The following SORCS3 variants were observed in gnomAD, a reference collection of about 807,000 sequenced individuals.
SORCS3 encodes the protein sortilin related VPS10 domain containing receptor 3.
Under a neutral mutation model 146.3 loss-of-function variants are expected in SORCS3, and 57 were observed. The ratio of observed to expected loss-of-function variants is 0.39; its 90% CI spans 0.31 to 0.49. The LOEUF (loss-of-function observed/expected upper bound fraction) is 0.49, where lower values mean the gene tolerates loss of function less well. Ranked by LOEUF, SORCS3 falls within the 20% of genes least tolerant of loss-of-function variation. The pLI is 0.92. For synonymous variants in SORCS3, 653 were observed against 618.5 expected, an observed-to-expected ratio of 1.06 and a Z score of -0.83; for missense variants, 1,341 against 1,575.5, an observed-to-expected ratio of 0.85 and a Z score of 2.52.
chr10:105,168,528 G>A (rs911830794), intron 13 of SORCS3, among the ~76,000 whole-genome samples: 1 of 152,068 alleles, frequency 6.6e-6, no homozygotes, highest in Non-Finnish European at 1.5e-5. Flanking sequence ...ACAGTTGGTC[G>A]GATTCACATG....
intron 1 of SORCS3, among the ~76,000 whole-genome samples, chr10:104,717,320 A>G (rs1177166614): frequency 6.7e-6 from 1 of 149,972 alleles, no homozygotes; most frequent in East Asian, 2.0e-4. Context: ...AAAAAAAAGG[A>G]AAAAGAAAAT....
At chr10:105,260,834 C>A (rs1300527588) in intron 25 of SORCS3, among the ~76,000 whole-genome samples, 1 of 152,150 alleles carries the variant, frequency 6.6e-6, no homozygotes, top group Non-Finnish European at 1.5e-5. Flanking sequence ...TCAGTGATAT[C>A]TATGCTAGTA....
chr10:104,771,254 A>G (rs1160659280), intron 1 of SORCS3, among the ~76,000 whole-genome samples: 1 of 152,246 alleles, frequency 6.6e-6, no homozygotes, highest in Non-Finnish European at 1.5e-5. Flanking sequence ...GATTCTGCAC[A>G]TGAAATTGAG....
In SORCS3 at chr10:104,981,573, T is replaced by A. The variant is rs149457396; in HGVS notation, c.954+4080T>A. On this transcript the variant is annotated intron_variant, in intron 4 of 26. Transcript: ENST00000369701. ...AGATTAGCTGGAGGGCTCAATAATC[T>A]TATTAAAACTGAGACTTTTGGAAAG... Among the ~76,000 whole-genome samples the A allele has an allele frequency of 8.5e-5, 13 of 152,328 alleles. No individual in the cohort carries two copies. In the East Asian group the frequency reaches 2.5e-3, roughly 29 times the overall value.
rs1340028923 is a variant in SORCS3 at position 105,211,206 on chromosome 10, A to C, written c.2331A>C (p.Pro777=). 1 of 1,614,090 alleles carries C rather than the reference A, an allele frequency of 6.2e-7. No homozygotes were observed. The highest frequency in any genetic ancestry group is 2.2e-5 in the East Asian group (1 of 44,862). ...CTTTCTGGTACAATCCAGCATCCCC[A>C]TCAAAGGACTGCAGCCTTGGTCAAA... ...VPAFWYNPAS[P]SKDCSLGQSY... Residue 777 remains proline, a synonymous_variant, in exon 17 of 27, where the codon CCA becomes CCC. Coordinates refer to ENST00000369701, the MANE Select transcript of SORCS3 (RefSeq NM_014978.3).
intron 20 of SORCS3, among the ~76,000 whole-genome samples, chr10:105,225,415 C>T (rs533277976): frequency 6.6e-6 from 1 of 151,920 alleles, no homozygotes; most frequent in Non-Finnish European, 1.5e-5. Context: ...TATTTCTGGG[C>T]TATTTATTTG....
In SORCS3 at chr10:105,262,747, C is replaced by T. The variant is rs149931025; in HGVS notation, c.3604+256C>T. ...GATGAAGCCAACTATCCATTACTGA[C>T]GGGCTTTTACTTCTTTTTCTATAAA... On this transcript the variant is annotated intron_variant, in intron 26 of 26. Transcript: ENST00000369701. Among the ~76,000 whole-genome samples, 30 of 152,300 alleles carry T rather than the reference C, an allele frequency of 2.0e-4. No homozygotes were observed. The East Asian group carries it at 3.1e-3, about 16-fold the overall frequency.
intron 1 of SORCS3, among the ~76,000 whole-genome samples, chr10:104,837,653 A>T (rs2018086324): frequency 6.6e-6 from 1 of 152,220 alleles, no homozygotes; most frequent in African/African-American, 2.4e-5. Flanking sequence ...CCAAGAACAA[A>T]GAAAACAAAA....
intron 4 of SORCS3, among the ~76,000 whole-genome samples, chr10:104,995,370 G>A (rs1323904798): frequency 1.3e-5 from 2 of 152,012 alleles, no homozygotes; most frequent in Non-Finnish European, 2.9e-5. Flanking sequence ...ATGTTGGTCA[G>A]GCTGGTCTCA....
intron 8 of SORCS3, 27 bp from the exon 9 acceptor site, chr10:105,147,590 C>T: frequency 1.3e-6 from 2 of 1,584,230 alleles, no homozygotes; most frequent in Non-Finnish European, 1.7e-6. Flanking sequence ...AGATCTGCTG[C>T]CTTACAAGCC....
Position 104,842,787 on chromosome 10 carries a change from T to C in SORCS3, c.628-5T>C. ...TCCTTTGCCCTTATCCCCAACCCCTTGCAGGTCATACTTATCCTGACGAAG... is the reference window on the plus strand; with the variant it reads ...TCCTTTGCCCTTATCCCCAACCCCTCGCAGGTCATACTTATCCTGACGAAG... On this transcript the variant is annotated splice_region_variant and splice_polypyrimidine_tract_variant and intron_variant, in intron 1 of 26. Coordinates refer to ENST00000369701, the MANE Select transcript of SORCS3 (RefSeq NM_014978.3). 2 of 1,613,428 alleles carry C rather than the reference T, an allele frequency of 1.2e-6. No individual in the cohort carries two copies. The highest frequency in any genetic ancestry group is 1.7e-6 in the Non-Finnish European group (2 of 1,179,424).
intron 4 of SORCS3, among the ~76,000 whole-genome samples, chr10:105,027,348 G>T (rs2096238): frequency 0.33 from 49,730 of 151,912 alleles, 9,164 homozygotes; most frequent in African/African-American, 0.51. Flanking sequence ...ATAATATCAC[G>T]TTGTACCCCA....
At chr10:104,981,769 G>A (rs1354709788) in intron 4 of SORCS3, among the ~76,000 whole-genome samples, 5 of 152,218 alleles carry the variant, frequency 3.3e-5, no homozygotes, top group Non-Finnish European at 1.5e-5. Context: ...GGCACAGGGG[G>A]CCTTCCGTAG....
intron 5 of SORCS3, among the ~76,000 whole-genome samples, chr10:105,057,605 T>A (rs1356918065): frequency 6.6e-6 from 1 of 152,204 alleles, no homozygotes; most frequent in African/African-American, 2.4e-5. Flanking sequence ...GACATGATTT[T>A]GGCAAGTTTG....
chr10:105,093,220 C>T (rs2055722495), intron 6 of SORCS3, among the ~76,000 whole-genome samples: 1 of 152,122 alleles, frequency 6.6e-6, no homozygotes, highest in South Asian at 2.1e-4. Flanking sequence ...TTAACTTCAA[C>T]CTATGATTCA....
intron 1 of SORCS3, among the ~76,000 whole-genome samples, chr10:104,698,753 T>C (rs945555256): frequency 6.6e-6 from 1 of 152,040 alleles, no homozygotes; most frequent in Non-Finnish European, 1.5e-5. Context: ...GGCATTGTAG[T>C]TGGGGAGATG....
chr10:104,722,711 G>T (rs1032027969), intron 1 of SORCS3, among the ~76,000 whole-genome samples: 3 of 152,190 alleles, frequency 2.0e-5, no homozygotes, highest in African/African-American at 7.2e-5. Context: ...TCTTGGGAGG[G>T]TGTATGTGTC....
chr10:104,728,420 T>G (rs955875786), intron 1 of SORCS3, among the ~76,000 whole-genome samples: 1 of 152,166 alleles, frequency 6.6e-6, no homozygotes, highest in African/African-American at 2.4e-5. Flanking sequence ...TAGGCAAGAC[T>G]GAGAATTAAC....
At chr10:104,650,563 A>G (rs189427537) in intron 1 of SORCS3, among the ~76,000 whole-genome samples, 9 of 152,368 alleles carry the variant, frequency 5.9e-5, no homozygotes, top group Non-Finnish European at 1.2e-4. Flanking sequence ...AACACTCTAC[A>G]AATAGATTCA....
Sources: allele counts gnomAD v4.1 joint callset (sites outside exome capture counted in the v4.1 genomes callset), GRCh38; gene constraint gnomAD v4.1.1; transcripts MANE v1.5; gene names NCBI Gene and HGNC (gene_info 2026-07-23, HGNC 2026-07-21).